Variants in COPS9 observed in about 807,000 individuals in gnomAD.
COPS9 encodes COP9 signalosome complex subunit 9.
In COPS9, 8 loss-of-function variants were observed where a neutral mutation model predicts 7.2. The ratio of observed to expected loss-of-function variants is 1.11; its 90% CI spans 0.65 to 2.00. The LOEUF (loss-of-function observed/expected upper bound fraction) is 2.00. Among genes scored for constraint, COPS9 ranks in the 30% most tolerant of loss-of-function variants. COPS9 has a pLI of 0.00. For synonymous variants in COPS9, 39 were observed against 28.7 expected, an observed-to-expected ratio of 1.36 and a Z score of -1.14; for missense variants, 74 against 77.7, an observed-to-expected ratio of 0.95 and a Z score of 0.18.
downstream of COPS9, chr2:240,126,894 AAC>A: frequency 6.2e-7 from 1 of 1,614,072 alleles, no homozygotes; most frequent in Non-Finnish European, 8.5e-7. Flanking sequence ...TGTGCTCCCA[AAC>A]GCTCTGTCCA....
downstream of COPS9, chr2:240,126,781 G>T: frequency 6.2e-7 from 1 of 1,614,172 alleles, no homozygotes; most frequent in Non-Finnish European, 8.5e-7. Context: ...TTTCTTAAGC[G>T]TCCTGTGCCC....
At chr2:240,131,853 A>T (rs1425011555) in intron 2 of COPS9, among the ~76,000 whole-genome samples, 2 of 152,310 alleles carry the variant, frequency 1.3e-5, no homozygotes, top group East Asian at 3.9e-4. Context: ...AACTAGAAAG[A>T]GGAGGTTCAA....
At chr2:240,136,102 C>A in intron 1 of COPS9, 120 bp downstream of exon 1, 2 of 1,309,468 alleles carry the variant, frequency 1.5e-6, no homozygotes, top group Non-Finnish European at 9.8e-7. Context: ...AGCCTGGGAG[C>A]CGCGCCCATC....
downstream of COPS9, chr2:240,129,981 G>A (rs764632922): frequency 3.7e-6 from 6 of 1,613,870 alleles, no homozygotes; most frequent in African/African-American, 6.7e-5. Flanking sequence ...TCGCTGCAGT[G>A]CGGGAACCAT....
chr2:240,127,145 C>T (rs577260047), downstream of COPS9, among the ~76,000 whole-genome samples: 14 of 152,290 alleles, frequency 9.2e-5, no homozygotes, highest in Admixed American at 5.9e-4. Context: ...TAATAATTAA[C>T]GGCGAATACC....
At chr2:240,128,674 C>T (rs1204470657), downstream of COPS9, among the ~76,000 whole-genome samples, 1 of 152,144 alleles carries the variant, frequency 6.6e-6, no homozygotes, top group Non-Finnish European at 1.5e-5. Context: ...GGTGAAGACA[C>T]ATCACTGACA....
downstream of COPS9, chr2:240,130,676 A>G: frequency 1.9e-5 from 12 of 623,554 alleles, no homozygotes; most frequent in Non-Finnish European, 2.6e-5. Flanking sequence ...CAGCACATAC[A>G]GCACCTTAAC....
At position 240,130,886 on chromosome 2, in the gene COPS9, C is replaced by T. The variant is rs768045888; in HGVS notation, c.*165G>A. 2.8e-6 allele frequency: 4 copies of T among 1,437,858 alleles called. No individual in the cohort carries two copies. Among genetic ancestry groups the T allele is most frequent in the African/African-American group, 1.4e-5 (1 of 69,528 alleles). 89.1% of individuals were successfully genotyped at this position (1,437,858 alleles called of 1,614,324 possible). On this transcript the variant is annotated 3_prime_UTR_variant, in exon 3 of 3. Coordinates refer to ENST00000607357, the MANE Select transcript of COPS9 (RefSeq NM_001163424.2). The stretch of plus-strand genomic sequence containing the variant: ...AAACCTGATCCCGTTCAGAGATGAA[C>T]AGAATCATCTAGGTCGTTAAGAACA...
rs532228052 is a variant in COPS9, at chr2:240,132,672, G to A, written c.136+1261C>T. On this transcript the variant is annotated intron_variant, in intron 2 of 2. Transcript: ENST00000607357. The surrounding 1 kb of genome is among the most constrained non-coding windows in gnomAD (Gnocchi z 4.1). ...GCCTCTAACCAATGGGCTGGCAGAG[G>A]ATAAATGGGACTTTGAAGGAGATCA... Among the ~76,000 whole-genome samples, 1 of 152,338 alleles carries A rather than the reference G, an allele frequency of 6.6e-6. No homozygotes were observed. Among genetic ancestry groups the A allele is most frequent in the South Asian group, 2.1e-4 (1 of 4,826 alleles).
downstream of COPS9, chr2:240,126,732 T>C (rs750330617): frequency 1.2e-6 from 2 of 1,614,244 alleles, no homozygotes; most frequent in Non-Finnish European, 8.5e-7. Flanking sequence ...CACCTCTAGA[T>C]AACTTCCCAG....
chr2:240,130,691 G>C, downstream of COPS9: 1 of 747,828 alleles, frequency 1.3e-6, no homozygotes, highest in Middle Eastern at 5.2e-4. Context: ...CTTAACACAA[G>C]GTATCTGCTA....
chr2:240,129,693 G>A (rs1158490168), downstream of COPS9, among the ~76,000 whole-genome samples: 1 of 152,190 alleles, frequency 6.6e-6, no homozygotes, highest in Non-Finnish European at 1.5e-5. Flanking sequence ...CTGCTTTGAG[G>A]AATCCACTCA....
At chr2:240,126,716 T>C (rs2071868908), downstream of COPS9, 1 of 1,614,094 alleles carries the variant, frequency 6.2e-7, no homozygotes. Context: ...TTCTTGTGGT[T>C]CTGAGCACCT....
At position 240,133,888 on chromosome 2, in the gene COPS9, GA is replaced by G. The variant is rs1225446400; in HGVS notation, c.136+44del. 3 of 1,593,802 alleles carry G rather than the reference GA, an allele frequency of 1.9e-6. No homozygotes were observed. The Admixed American group carries it at 5.0e-5, about 27-fold the overall frequency. On this transcript the variant is annotated intron_variant, in intron 2 of 2. Transcript: ENST00000607357. Reference sequence around the variant, plus strand: ...TGCTTCACTGCCTTCACCTAGAGAAGAAATATTCAGATTAAATCTGGCATCC... The same window carrying G: ...TGCTTCACTGCCTTCACCTAGAGAAGAATATTCAGATTAAATCTGGCATCC...
chr2:240,135,380 T>C (rs1002308731), intron 1 of COPS9, among the ~76,000 whole-genome samples: 1 of 152,192 alleles, frequency 6.6e-6, no homozygotes, highest in South Asian at 2.1e-4. Context: ...CGGCTTTCTA[T>C]GACACCTGGT....
chr2:240,132,976 G>A lies in COPS9; in HGVS notation c.136+957C>T, dbSNP rs2106556423. Among the ~76,000 whole-genome samples the A allele has an allele frequency of 6.6e-6, 1 of 152,330 alleles. No individual in the cohort carries two copies. The highest frequency in any genetic ancestry group is 2.1e-4 in the South Asian group (1 of 4,822). On this transcript the variant is annotated intron_variant, in intron 2 of 2. Coordinates refer to ENST00000607357, the MANE Select transcript of COPS9 (RefSeq NM_001163424.2). This position sits in a 1 kb window ranked among gnomAD's most constrained non-coding sequence, Gnocchi z 4.1. ...GGTAGCAGTAAGAATGCTGCCTCAG[G>A]GGCATGGCCAGGCACCCTGGGAAAG... is the stretch of plus-strand genomic sequence containing the variant.
intron 1 of COPS9, 88 bp downstream of exon 1, chr2:240,136,134 T>G: frequency 4.8e-5 from 31 of 640,970 alleles, no homozygotes; most frequent in East Asian, 9.1e-5. Context: ...CGGCCTCCCC[T>G]CCCCGGGACC....
intron 2 of COPS9, among the ~76,000 whole-genome samples, chr2:240,131,589 G>T (rs928808256): frequency 1.3e-5 from 2 of 152,218 alleles, no homozygotes; most frequent in African/African-American, 4.8e-5. Flanking sequence ...GTAAGGGAGC[G>T]TGAATGATAC....
At chr2:240,126,925 C>T (rs1014945046), downstream of COPS9, 16 of 1,613,130 alleles carry the variant, frequency 9.9e-6, no homozygotes, top group African/African-American at 9.3e-5. Flanking sequence ...ACTTCTCTCC[C>T]GTTCAGTTCA....
Sources: allele counts gnomAD v4.1 joint callset (sites outside exome capture counted in the v4.1 genomes callset), GRCh38; gene constraint gnomAD v4.1.1; non-coding constraint Gnocchi (gnomAD v3.1); transcripts MANE v1.5; gene names NCBI Gene and HGNC (gene_info 2026-07-23, HGNC 2026-07-21).